Variants in FHIT observed in about 807,000 individuals in gnomAD.
FHIT encodes fragile histidine triad diadenosine triphosphatase, also known as bis(5'-adenosyl)-triphosphatase.
Under a neutral mutation model 17.9 loss-of-function variants are expected in FHIT, and 19 were observed. The observed-to-expected ratio is 1.06, with a 90% CI of 0.74 to 1.56. The LOEUF is 1.56. Among genes scored for constraint, FHIT ranks in the 40% most tolerant of loss-of-function variants. The probability of loss-of-function intolerance (pLI) is 0.00; values close to 1 mark genes in which losing one functional copy is unlikely to be tolerated. For synonymous variants in FHIT, 81 were observed against 69.7 expected, an observed-to-expected ratio of 1.16 and a Z score of -0.81; for missense variants, 248 against 189.2, an observed-to-expected ratio of 1.31 and a Z score of -1.82.
At chr3:60,968,847 T>C (rs534788201) in intron 3 of FHIT, among the ~76,000 whole-genome samples, 1 of 152,360 alleles carries the variant, frequency 6.6e-6, no homozygotes, top group South Asian at 2.1e-4. Context: ...GTTTCTCAGT[T>C]TTACTCTATT....
chr3:60,289,604 G>A (rs936195602), intron 5 of FHIT, among the ~76,000 whole-genome samples: 2 of 152,172 alleles, frequency 1.3e-5, no homozygotes, highest in African/African-American at 2.4e-5. Flanking sequence ...TATAGTTGCT[G>A]TCAGATTTCT....
At chr3:59,763,267 A>G (rs1431215456) in intron 8 of FHIT, among the ~76,000 whole-genome samples, 4 of 152,208 alleles carry the variant, frequency 2.6e-5, no homozygotes, top group Admixed American at 6.5e-5. Context: ...CAGTGTAGGC[A>G]AGGAAACTCT....
chr3:60,744,271 A>AAAAAAAAAAAAAAAAAAAAAAAAAAAAC (rs2042309303), intron 4 of FHIT, among the ~76,000 whole-genome samples: 3 of 52,112 alleles, frequency 5.8e-5, no homozygotes, highest in African/African-American at 2.3e-4. Context: ...AACAAAACAA[A>AAAAAAAAAAAAAAAAAAAAAAAAAAAAC]AAAAAAAAAA....
intron 5 of FHIT, among the ~76,000 whole-genome samples, chr3:60,365,112 T>C (rs1356347247): frequency 6.7e-6 from 1 of 149,342 alleles, no homozygotes. Context: ...AAACAGAACA[T>C]TATATATATA....
chr3:60,013,944 G>A, intron 6 of FHIT, 63 bp downstream of exon 6: 4 of 1,525,586 alleles, frequency 2.6e-6, no homozygotes, highest in Non-Finnish European at 3.6e-6. Flanking sequence ...ATCAGGAGGA[G>A]CAAGCCCAAT....
chr3:59,917,123 T>C (rs1247658328), intron 8 of FHIT, among the ~76,000 whole-genome samples: 1 of 152,236 alleles, frequency 6.6e-6, no homozygotes, highest in Admixed American at 6.5e-5. Flanking sequence ...CAGGGCCAAA[T>C]GGCCTGCATT....
chr3:61,157,962 G>C (rs971389529), intron 2 of FHIT, among the ~76,000 whole-genome samples: 2 of 151,938 alleles, frequency 1.3e-5, no homozygotes, highest in South Asian at 4.2e-4. Flanking sequence ...TTACTTGTTG[G>C]GTTTATGCCT....
intron 3 of FHIT, among the ~76,000 whole-genome samples, chr3:60,997,444 G>C (rs1199792900): frequency 6.6e-6 from 1 of 152,008 alleles, no homozygotes; most frequent in East Asian, 1.9e-4. Context: ...GAAGATCTTA[G>C]CATACTGGAC....
chr3:60,054,379 A>AAAAAC (rs1212288823), intron 5 of FHIT, among the ~76,000 whole-genome samples: 7 of 152,280 alleles, frequency 4.6e-5, no homozygotes, highest in African/African-American at 7.2e-5. Flanking sequence ...GTCAGATTAG[A>AAAAAC]AAAACAAAAC....
intron 5 of FHIT, among the ~76,000 whole-genome samples, chr3:60,207,760 G>C (rs186019209): frequency 1.2e-4 from 19 of 152,160 alleles, no homozygotes; most frequent in African/African-American, 4.1e-4. Flanking sequence ...TTAGGGCATT[G>C]TCATGAGAAT....
At chr3:60,253,715 A>G (rs549097331) in intron 5 of FHIT, among the ~76,000 whole-genome samples, 1 of 152,314 alleles carries the variant, frequency 6.6e-6, no homozygotes, top group East Asian at 1.9e-4. Flanking sequence ...GGAAGTCACA[A>G]TTTCATTCTG....
intron 5 of FHIT, among the ~76,000 whole-genome samples, chr3:60,430,533 T>A (rs1008642756): frequency 2.6e-5 from 4 of 152,108 alleles, no homozygotes; most frequent in Non-Finnish European, 5.9e-5. Flanking sequence ...ATAAACTGCT[T>A]TCTTGCACTG....
At chr3:60,315,448 C>T (rs985909191) in intron 5 of FHIT, among the ~76,000 whole-genome samples, 3 of 152,128 alleles carry the variant, frequency 2.0e-5, no homozygotes, top group African/African-American at 4.8e-5. Context: ...ATAAACATCC[C>T]CATCCTACCC....
intron 3 of FHIT, among the ~76,000 whole-genome samples, chr3:60,851,377 T>C (rs1216534644): frequency 1.3e-5 from 2 of 152,104 alleles, no homozygotes; most frequent in African/African-American, 2.4e-5. Flanking sequence ...TTTTTTCATA[T>C]ATAACAGAAA....
At chr3:60,323,989 T>A (rs867189578) in intron 5 of FHIT, among the ~76,000 whole-genome samples, 4,756 of 28,248 alleles carry the variant, frequency 0.17, 230 homozygotes, top group African/African-American at 0.43. Context: ...GGTAGGGCAG[T>A]TTTTTTTAAC....
At chr3:60,277,291 T>G (rs1367441355) in intron 5 of FHIT, among the ~76,000 whole-genome samples, 3 of 152,246 alleles carry the variant, frequency 2.0e-5, no homozygotes, top group Middle Eastern at 3.4e-3. Flanking sequence ...AGTGAGGGTA[T>G]GGAGTCCTCC....
intron 2 of FHIT, among the ~76,000 whole-genome samples, chr3:61,102,699 G>A (rs1422114851): frequency 6.6e-6 from 1 of 152,058 alleles, no homozygotes; most frequent in Non-Finnish European, 1.5e-5. Context: ...TTTTTTGGTT[G>A]GTAGGCTATT....
chr3:60,865,321 A>G (rs1376220103), intron 3 of FHIT, among the ~76,000 whole-genome samples: 1 of 152,180 alleles, frequency 6.6e-6, no homozygotes, highest in Non-Finnish European at 1.5e-5. Context: ...TCTCAGTCCC[A>G]TTAGCCCCAT....
intron 7 of FHIT, among the ~76,000 whole-genome samples, chr3:59,986,515 A>T (rs1559523292): frequency 0.098 from 1,240 of 12,648 alleles, 69 homozygotes; most frequent in Admixed American, 0.12. Flanking sequence ...ATATATATAT[A>T]TATATATATA....
Sources: gnomAD v4.1 joint callset for allele counts (sites outside exome capture counted in the v4.1 genomes callset) on GRCh38, gnomAD v4.1.1 for gene constraint, MANE v1.5 for transcripts, NCBI Gene and HGNC (gene_info 2026-07-23, HGNC 2026-07-21) for gene names.